The following SCFD2 variants were observed in gnomAD, a reference collection of about 807,000 sequenced individuals.
SCFD2 encodes the protein sec1 family domain-containing protein 2.
Under a neutral mutation model 58.9 loss-of-function variants are expected in SCFD2, and 54 were observed. The ratio of observed to expected loss-of-function variants is 0.92; its 90% CI spans 0.74 to 1.15. SCFD2 has a LOEUF of 1.15. Ranked by LOEUF, SCFD2 falls within the 50% of genes most tolerant of loss-of-function variation. SCFD2 has a pLI of 0.00. For synonymous variants in SCFD2, 321 were observed against 335.9 expected, an observed-to-expected ratio of 0.96 and a Z score of 0.49; for missense variants, 805 against 836.6, an observed-to-expected ratio of 0.96 and a Z score of 0.47.
chr4:53,057,366 AG>A (rs1723374205), intron 5 of SCFD2, among the ~76,000 whole-genome samples: 1 of 152,276 alleles, frequency 6.6e-6, no homozygotes, highest in Non-Finnish European at 1.5e-5. Context: ...GCAGGGAAAA[AG>A]GTGGAAAGGG....
chr4:53,018,568 T>C (rs1194655958), intron 5 of SCFD2, among the ~76,000 whole-genome samples: 2 of 152,158 alleles, frequency 1.3e-5, no homozygotes, highest in African/African-American at 2.4e-5. Context: ...GATTTATATT[T>C]AGTCAATCAA....
At chr4:52,876,302 A>G (rs1718472623) in intron 8 of SCFD2, among the ~76,000 whole-genome samples, 1 of 152,208 alleles carries the variant, frequency 6.6e-6, no homozygotes, top group Non-Finnish European at 1.5e-5. Context: ...CTGCTGTATT[A>G]TTGTGGTTTT....
chr4:53,130,311 A>G (rs1210394429), intron 5 of SCFD2, among the ~76,000 whole-genome samples: 1 of 152,236 alleles, frequency 6.6e-6, no homozygotes, highest in Non-Finnish European at 1.5e-5. Context: ...ATCTTCAAGT[A>G]ATTGTTTAGA....
intron 4 of SCFD2, among the ~76,000 whole-genome samples, chr4:53,169,666 C>G (rs1010385399): frequency 6.6e-5 from 10 of 152,284 alleles, no homozygotes; most frequent in Admixed American, 1.3e-4. Context: ...ATCAACAGTG[C>G]GTACAGATTC....
chr4:53,040,967 T>A (rs1284715090), intron 5 of SCFD2, among the ~76,000 whole-genome samples: 1 of 152,180 alleles, frequency 6.6e-6, no homozygotes, highest in African/African-American at 2.4e-5. Flanking sequence ...TTCATTTCCC[T>A]TATTTGGTGA....
chr4:53,053,908 A>G (rs1332934523), intron 5 of SCFD2, among the ~76,000 whole-genome samples: 2 of 152,154 alleles, frequency 1.3e-5, no homozygotes, highest in Non-Finnish European at 2.9e-5. Flanking sequence ...TGGAATATTT[A>G]CCACCTTAAA....
intron 4 of SCFD2, among the ~76,000 whole-genome samples, chr4:53,240,265 G>A (rs947972536): frequency 2.6e-5 from 4 of 152,090 alleles, no homozygotes; most frequent in South Asian, 2.1e-4. Context: ...ATAATTGATC[G>A]TAACACACAC....
intron 2 of SCFD2, among the ~76,000 whole-genome samples, chr4:53,326,173 C>T (rs112800542): frequency 0.091 from 13,861 of 152,064 alleles, 874 homozygotes; most frequent in Non-Finnish European, 0.13. Flanking sequence ...GACAGGGTCT[C>T]GCTCTGTCAC....
intron 3 of SCFD2, among the ~76,000 whole-genome samples, chr4:53,280,016 T>C (rs1731457598): frequency 6.6e-6 from 1 of 152,234 alleles, no homozygotes; most frequent in African/African-American, 2.4e-5. Flanking sequence ...CCTAACCACA[T>C]CAGAAGCTAT....
intron 5 of SCFD2, among the ~76,000 whole-genome samples, chr4:53,068,816 TA>T (rs1355677882): frequency 1.3e-4 from 20 of 152,058 alleles, no homozygotes; most frequent in Admixed American, 1.3e-3. Flanking sequence ...TACATATATT[TA>T]AAAAACAGTA....
intron 5 of SCFD2, among the ~76,000 whole-genome samples, chr4:52,972,628 G>A (rs9761776): frequency 0.014 from 2,174 of 152,190 alleles, 55 homozygotes; most frequent in African/African-American, 0.05. Context: ...AATTAACAAG[G>A]ATATCCAAGA....
intron 4 of SCFD2, among the ~76,000 whole-genome samples, chr4:53,181,111 T>C (rs189309035): frequency 5.3e-5 from 8 of 152,114 alleles, no homozygotes; most frequent in South Asian, 4.2e-4. Flanking sequence ...CTGAAATCAA[T>C]AGAAAATCAA....
At chr4:53,354,860 AC>A (rs11316821) in intron 1 of SCFD2, among the ~76,000 whole-genome samples, 83,272 of 151,210 alleles carry the variant, frequency 0.55, 25,091 homozygotes, top group Non-Finnish European at 0.67. Flanking sequence ...ATCATAGCTC[AC>A]TGTAGCCTTG....
At chr4:53,296,843 G>A (rs572483081) in intron 3 of SCFD2, among the ~76,000 whole-genome samples, 8 of 152,138 alleles carry the variant, frequency 5.3e-5, no homozygotes, top group Non-Finnish European at 8.8e-5. Context: ...TTGTGTCTTT[G>A]TTCTCACTGG....
chr4:53,201,924 A>T (rs1302442891), intron 4 of SCFD2, among the ~76,000 whole-genome samples: 1 of 152,174 alleles, frequency 6.6e-6, no homozygotes, highest in Non-Finnish European at 1.5e-5. Flanking sequence ...TCTGGATATT[A>T]GCCCTTTGTC....
intron 7 of SCFD2, among the ~76,000 whole-genome samples, chr4:52,889,812 C>G (rs896032622): frequency 1.3e-5 from 2 of 152,216 alleles, no homozygotes; most frequent in Non-Finnish European, 2.9e-5. Context: ...AGGCAATCAT[C>G]ATCTTGAACT....
At chr4:53,125,498 T>C (rs1355628856) in intron 5 of SCFD2, among the ~76,000 whole-genome samples, 1 of 152,220 alleles carries the variant, frequency 6.6e-6, no homozygotes, top group Non-Finnish European at 1.5e-5. Flanking sequence ...TATCAGATAT[T>C]CTCCTGCATG....
intron 5 of SCFD2, among the ~76,000 whole-genome samples, chr4:53,127,195 AT>A (rs1327714749): frequency 6.6e-6 from 1 of 152,142 alleles, no homozygotes; most frequent in East Asian, 1.9e-4. Context: ...AAACAATGGG[AT>A]TTAAAAACTC....
In SCFD2 at chr4:53,184,131, T is replaced by C. The variant is rs140709156; in HGVS notation, c.1312-38549A>G. Among the ~76,000 whole-genome samples the C allele has an allele frequency of 6.6e-5, 10 of 152,066 alleles. No individual in the cohort carries two copies. The East Asian group carries it at 1.9e-3, about 29-fold the overall frequency. On this transcript the variant is annotated intron_variant, in intron 4 of 8. Transcript: ENST00000401642. ...ATAACTAGTGGTAAAGGCCATTGTA[T>C]TGGAGATTGTTTCTTGTGCCCAAAT...
Sources: gnomAD v4.1 joint callset for allele counts (sites outside exome capture counted in the v4.1 genomes callset) on GRCh38, gnomAD v4.1.1 for gene constraint, MANE v1.5 for transcripts, NCBI Gene and HGNC (gene_info 2026-07-23, HGNC 2026-07-21) for gene names.